MAGED1: variants seen among roughly 807,000 people sequenced by gnomAD.
The protein encoded by MAGED1 is melanoma-associated antigen D1.
Under a neutral mutation model 54.1 loss-of-function variants are expected in MAGED1, and 3 were observed. The observed-to-expected ratio is 0.06, with a 90% CI of 0.03 to 0.14. MAGED1 has a LOEUF of 0.14. MAGED1 is among the 10% of genes least tolerant of loss of function. The pLI, the probability that MAGED1 is intolerant of heterozygous loss-of-function variation, is 1.00. For missense variants in MAGED1, 485 were observed against 623.4 expected (o/e 0.78, Z 2.36); for synonymous variants, 217 against 227.3 (o/e 0.95, Z 0.41).
intron 1 of MAGED1, among the ~76,000 whole-genome samples, chrX:51,809,755 C>T (rs1253554457): frequency 1.8e-5 from 2 of 111,063 alleles, no homozygotes; most frequent in African/African-American, 6.6e-5. Context: ...GCTTTTCCCA[C>T]CAACCTTTCT....
rs1272345520 is a variant in MAGED1, at chrX:51,897,287, C to G, written c.1486+16C>G. The stretch of plus-strand genomic sequence containing the variant: ...AAGCGCTCAGGTATGCATCCAGTGT[C>G]CCCTCCCCAAGCTCTGCCCTTCCCT... On this transcript the variant is annotated intron_variant, in intron 5 of 12. Coordinates refer to ENST00000326587, the MANE Select transcript of MAGED1 (RefSeq NM_006986.4). 8.4e-7 allele frequency: 1 copy of G among 1,195,667 alleles called. No homozygotes were observed.
At chrX:51,828,710 A>T (rs1925949035) in intron 1 of MAGED1, among the ~76,000 whole-genome samples, 1 of 111,518 alleles carries the variant, frequency 9.0e-6, no homozygotes, top group Non-Finnish European at 1.9e-5. Flanking sequence ...GTTCTTTACA[A>T]TTTGGAGCTA....
At chrX:51,863,326 T>TTG (rs1373844886) in intron 1 of MAGED1, among the ~76,000 whole-genome samples, 1 of 112,382 alleles carries the variant, frequency 8.9e-6, no homozygotes, top group South Asian at 3.7e-4. Flanking sequence ...CAATATTCCA[T>TTG]TGTGTGTGTG....
Position 51,897,253 on chromosome X carries a change from G to A in MAGED1, c.1468G>A (p.Val490Met), listed in dbSNP as rs782145405. Reference sequence around the variant, plus strand: ...CTTGATGCTTAAGGACTACACAAAGGTGCCCATCAAGCGCTCAGGTATGCA... The same window carrying A: ...CTTGATGCTTAAGGACTACACAAAGATGCCCATCAAGCGCTCAGGTATGCA... ...KYLMLKDYTK[V>M]PIKRSEMLRD... Residue 490 changes from valine (V) to methionine (M), a missense_variant, in exon 5 of 13, where the codon GTG (valine) becomes ATG (methionine). Transcript: ENST00000326587. The A allele has an allele frequency of 8.3e-7, 1 of 1,210,426 alleles. No individual in the cohort carries two copies. The highest frequency in any genetic ancestry group is 1.8e-5 in the South Asian group (1 of 56,902).
intron 1 of MAGED1, among the ~76,000 whole-genome samples, chrX:51,871,583 C>G (rs1927677815): frequency 9.4e-6 from 1 of 106,568 alleles, no homozygotes; most frequent in Non-Finnish European, 1.9e-5. Flanking sequence ...TCATCCATGT[C>G]CCTACAAAGG....
At chrX:51,831,145 C>T (rs1432416402) in intron 1 of MAGED1, among the ~76,000 whole-genome samples, 1 of 112,342 alleles carries the variant, frequency 8.9e-6, no homozygotes, top group Admixed American at 9.4e-5. Context: ...GCGTGAGCCA[C>T]TGCACCCGGC....
At chrX:51,865,523 C>T (rs1389207921) in intron 1 of MAGED1, among the ~76,000 whole-genome samples, 1 of 111,127 alleles carries the variant, frequency 9.0e-6, no homozygotes, top group Non-Finnish European at 1.9e-5. Context: ...TTCTTTTCTC[C>T]TTTAACTCCC....
intron 3 of MAGED1, 140 bp from the exon 4 acceptor site, chrX:51,896,269 A>C (rs1602272486): frequency 1.8e-6 from 1 of 543,799 alleles, no homozygotes; most frequent in African/African-American, 2.3e-5. Flanking sequence ...ACAGTGAAAG[A>C]CAAACCCAGG....
At chrX:51,864,459 A>G (rs782334115) in intron 1 of MAGED1, among the ~76,000 whole-genome samples, 17 of 111,722 alleles carry the variant, frequency 1.5e-4, no homozygotes, top group African/African-American at 5.2e-4. Context: ...ATCAGGAAGT[A>G]TGATGCCTCT....
At chrX:51,838,792 T>C (rs1465851481) in intron 1 of MAGED1, among the ~76,000 whole-genome samples, 1 of 111,820 alleles carries the variant, frequency 8.9e-6, no homozygotes. Context: ...GTGGTCAGGA[T>C]ACAAAACTCA....
chrX:51,883,015 G>T (rs968631030), intron 1 of MAGED1, among the ~76,000 whole-genome samples: 7 of 111,269 alleles, frequency 6.3e-5, no homozygotes, highest in Non-Finnish European at 1.1e-4. Context: ...AACAATGACC[G>T]CTCTATTGTA....
At chrX:51,870,473 G>C (rs1557361437) in intron 1 of MAGED1, among the ~76,000 whole-genome samples, 1 of 111,631 alleles carries the variant, frequency 9.0e-6, no homozygotes, top group African/African-American at 3.3e-5. Flanking sequence ...TTCCAGAATT[G>C]TTTTGTTTTG....
At chrX:51,811,383 G>A (rs1481301286) in intron 1 of MAGED1, among the ~76,000 whole-genome samples, 1 of 111,872 alleles carries the variant, frequency 8.9e-6, no homozygotes, top group Non-Finnish European at 1.9e-5. Context: ...ACAGCATGTT[G>A]CACCTGAGGC....
At chrX:51,846,492 T>G (rs1390936008) in intron 1 of MAGED1, among the ~76,000 whole-genome samples, 1 of 111,920 alleles carries the variant, frequency 8.9e-6, no homozygotes, top group Non-Finnish European at 1.9e-5. Flanking sequence ...GACACCTTAA[T>G]TTTAGCCCAG....
chrX:51,873,073 A>G (rs1927743013), intron 1 of MAGED1, among the ~76,000 whole-genome samples: 1 of 111,237 alleles, frequency 9.0e-6, no homozygotes. Flanking sequence ...TAAAAAAATA[A>G]AAAGAAAGAG....
Position 51,901,904 on chromosome X carries a change from G to T in MAGED1, c.2311G>T (p.Ala771Ser). 8.3e-7 allele frequency: 1 copy of T among 1,208,394 alleles called. No homozygotes were observed. Among genetic ancestry groups the T allele is most frequent in the Non-Finnish European group, 1.1e-6 (1 of 894,244 alleles). The part of the protein sequence containing the change: ...ASANFAANFG[A>S]IGFFWVE Reference sequence around the variant, plus strand: ...TGCCAACTTCGCTGCCAACTTTGGTGCCATTGGTTTCTTCTGGGTTGAGTG... The same window carrying T: ...TGCCAACTTCGCTGCCAACTTTGGTTCCATTGGTTTCTTCTGGGTTGAGTG... Residue 771 changes from alanine to serine, a missense_variant, in exon 12 of 13, where the codon GCC (alanine) becomes TCC (serine). Physicochemically the swap from Ala to Ser is moderately conservative, Grantham distance 99. Coordinates refer to ENST00000326587, the MANE Select transcript of MAGED1 (RefSeq NM_006986.4).
intron 1 of MAGED1, among the ~76,000 whole-genome samples, chrX:51,815,035 C>T (rs1792147907): frequency 1.9e-5 from 2 of 105,111 alleles, no homozygotes; most frequent in South Asian, 9.3e-4. Flanking sequence ...CCCAGGTACT[C>T]TGGAGGCTGA....
At chrX:51,825,208 C>T (rs1201652034) in intron 1 of MAGED1, among the ~76,000 whole-genome samples, 2 of 110,111 alleles carry the variant, frequency 1.8e-5, no homozygotes, top group Non-Finnish European at 3.8e-5. Context: ...GGGAAGAGGC[C>T]ATGGAATTTC....
intron 1 of MAGED1, among the ~76,000 whole-genome samples, chrX:51,881,745 T>C (rs1344588571): frequency 1.8e-5 from 2 of 111,706 alleles, no homozygotes; most frequent in African/African-American, 6.5e-5. Flanking sequence ...TTCAACTTAG[T>C]ATCTGTTCTT....
Sources: gnomAD v4.1 joint callset for allele counts (sites outside exome capture counted in the v4.1 genomes callset) on GRCh38, gnomAD v4.1.1 for gene constraint, MANE v1.5 for transcripts, NCBI Gene and HGNC (gene_info 2026-07-23, HGNC 2026-07-21) for gene names.